SOX30: variants seen among roughly 807,000 people sequenced by gnomAD.
SOX30 encodes SRY-box transcription factor 30.
Under a neutral mutation model 58.6 loss-of-function variants are expected in SOX30, and 17 were observed. The ratio of observed to expected loss-of-function variants is 0.29; its 90% CI spans 0.20 to 0.44. The LOEUF is 0.44. Among genes scored for constraint, SOX30 ranks in the 20% least tolerant of loss-of-function variants. The pLI is 1.00. For missense variants in SOX30, 951 were observed against 965.8 expected, an observed-to-expected ratio of 0.98 and a Z score of 0.20; for synonymous variants, 421 against 400.2, an observed-to-expected ratio of 1.05 and a Z score of -0.62.
In SOX30 at chr5:157,638,331, C is replaced by T; in HGVS notation, c.1779G>A (p.Gln593=). Reference sequence around the variant, plus strand: ...TGGCTGGATGGCCAAGGGGAGGGGGCTGGTAGACATGTGGGTGTGGAATGG... The same window carrying T: ...TGGCTGGATGGCCAAGGGGAGGGGGTTGGTAGACATGTGGGTGTGGAATGG... ...ASPIPHPHVY[Q]PPPLGHPATL... Residue 593 remains glutamine, a synonymous_variant, in exon 4 of 5, where the codon CAG becomes CAA. Coordinates refer to ENST00000265007, the MANE Select transcript of SOX30 (RefSeq NM_178424.2). 1 of 1,611,876 alleles carries T rather than the reference C, an allele frequency of 6.2e-7. No homozygotes were observed. Among genetic ancestry groups the T allele is most frequent in the East Asian group, 2.2e-5 (1 of 44,850 alleles).
chr5:157,643,783 A>C (rs1220321032), intron 3 of SOX30, among the ~76,000 whole-genome samples: 1 of 152,218 alleles, frequency 6.6e-6, no homozygotes, highest in Admixed American at 6.5e-5. Context: ...CATATTTAGA[A>C]TATGAAATTA....
At chr5:157,662,599 T>C (rs1319751050) in intron 2 of SOX30, among the ~76,000 whole-genome samples, 2 of 152,168 alleles carry the variant, frequency 1.3e-5, no homozygotes, top group African/African-American at 4.8e-5. Context: ...ACAAATAAAA[T>C]TCAAAAGCCT....
chr5:157,657,687 G>A (rs1283689063), intron 2 of SOX30, among the ~76,000 whole-genome samples: 1 of 152,184 alleles, frequency 6.6e-6, no homozygotes, highest in Non-Finnish European at 1.5e-5. Context: ...TTTGCAGCTT[G>A]TAGCAATTGA....
At chr5:157,663,307 T>A (rs1759610178) in intron 2 of SOX30, among the ~76,000 whole-genome samples, 2 of 152,124 alleles carry the variant, frequency 1.3e-5, no homozygotes, top group Non-Finnish European at 2.9e-5. Context: ...CATATGCAAA[T>A]CAATAAACGT....
intron 4 of SOX30, among the ~76,000 whole-genome samples, chr5:157,636,699 T>C (rs969115250): frequency 6.6e-6 from 1 of 152,192 alleles, no homozygotes; most frequent in Non-Finnish European, 1.5e-5. Context: ...GTTGTTTCTA[T>C]TGAGGTGTAG....
chr5:157,669,906 A>G (rs1376001496), intron 1 of SOX30, among the ~76,000 whole-genome samples: 1 of 152,178 alleles, frequency 6.6e-6, no homozygotes, highest in African/African-American at 2.4e-5. Flanking sequence ...CAAAGATTGT[A>G]TAGGTAAATT....
upstream of SOX30, among the ~76,000 whole-genome samples, chr5:157,654,551 T>G (rs1275833390): frequency 6.6e-6 from 1 of 152,194 alleles, no homozygotes; most frequent in African/African-American, 2.4e-5. Flanking sequence ...CAGAGGTGTG[T>G]GAACCAGAGC....
intron 4 of SOX30, among the ~76,000 whole-genome samples, chr5:157,630,998 T>A (rs1479175795): frequency 7.9e-5 from 10 of 126,374 alleles, no homozygotes; most frequent in South Asian, 2.3e-4. Context: ...CTATATATAT[T>A]TTTTATATAT....
chr5:157,654,996 T>A (rs773571706), upstream of SOX30, among the ~76,000 whole-genome samples: 16 of 152,240 alleles, frequency 1.1e-4, no homozygotes, highest in Non-Finnish European at 2.1e-4. Context: ...ATAAACTCGC[T>A]TTCACTTTAC....
chr5:157,668,700 G>T (rs943199247), intron 1 of SOX30, among the ~76,000 whole-genome samples: 29 of 152,138 alleles, frequency 1.9e-4, no homozygotes, highest in Non-Finnish European at 1.5e-4. Context: ...TCAGTGATGG[G>T]GACCTGCAGA....
intron 2 of SOX30, among the ~76,000 whole-genome samples, chr5:157,660,123 T>C (rs1166315785): frequency 1.3e-5 from 2 of 152,232 alleles, no homozygotes; most frequent in African/African-American, 4.8e-5. Flanking sequence ...GTTTTAGGTT[T>C]ACTTTAAAAT....
chr5:157,631,893 A>G (rs1758819651), intron 4 of SOX30, among the ~76,000 whole-genome samples: 1 of 151,446 alleles, frequency 6.6e-6, no homozygotes, highest in Non-Finnish European at 1.5e-5. Flanking sequence ...ACATGAGAAT[A>G]TTAGCTGGGC....
chr5:157,627,102 G>A (rs1056840081), intron 4 of SOX30, among the ~76,000 whole-genome samples: 12 of 152,188 alleles, frequency 7.9e-5, no homozygotes, highest in Non-Finnish European at 1.2e-4. Context: ...GGTGGCTCAC[G>A]CCTGTAATCC....
At chr5:157,659,378 T>C (rs1347384853) in intron 2 of SOX30, among the ~76,000 whole-genome samples, 2 of 152,212 alleles carry the variant, frequency 1.3e-5, no homozygotes, top group African/African-American at 4.8e-5. Context: ...CATGGAATGG[T>C]CCCACTATAC....
At chr5:157,664,996 G>C (rs1340882453) in intron 2 of SOX30, among the ~76,000 whole-genome samples, 1 of 152,228 alleles carries the variant, frequency 6.6e-6, no homozygotes, top group African/African-American at 2.4e-5. Context: ...TTACACTGTT[G>C]GTGGGACTGT....
At position 157,651,467 on chromosome 5, in the gene SOX30, C is replaced by T. The variant is rs3749797; in HGVS notation, c.612G>A (p.Pro204=). The change falls in exon 1 of 5, where the codon CCG becomes CCA. Residue 204 remains proline, a synonymous_variant. Coordinates refer to ENST00000265007, the MANE Select transcript of SOX30 (RefSeq NM_178424.2). ...DSMQGGAGKS[P]AAIREGVIKT... ...TGATCACACCTTCTCGGATGGCTGC[C>T]GGGCTTTTGCCTGCCCCGCCTTGCA... The T allele has an allele frequency of 5.6e-6, 9 of 1,613,198 alleles. No individual in the cohort carries two copies. The highest frequency in any genetic ancestry group is 7.6e-6 in the Non-Finnish European group (9 of 1,180,034).
In SOX30 at chr5:157,630,928, TATTA is replaced by T. The variant is rs1391392581; in HGVS notation, c.1881-4211_1881-4208del. Among the ~76,000 whole-genome samples the T allele has an allele frequency of 6.5e-4, 84 of 129,570 alleles. No individual in the cohort carries two copies. The South Asian group carries it at 9.9e-3, about 15-fold the overall frequency. 85.0% of individuals were successfully genotyped at this position (129,570 alleles called of 152,430 possible). A position where few individuals can be genotyped will look rare whatever the true frequency, so the allele number is the denominator to read the frequency against. ...AAAAATATATAATATCTATATTATA[TATTA>T]TATATATATACTATATATATTGTAT... is the stretch of plus-strand genomic sequence containing the variant. On this transcript the variant is annotated intron_variant, in intron 4 of 4. Coordinates refer to ENST00000265007, the MANE Select transcript of SOX30 (RefSeq NM_178424.2).
chr5:157,644,975 T>A (rs1409434355), intron 3 of SOX30, among the ~76,000 whole-genome samples: 2 of 152,142 alleles, frequency 1.3e-5, no homozygotes, highest in Non-Finnish European at 2.9e-5. Flanking sequence ...AGCAAGACTC[T>A]GTCTTAAAAA....
In SOX30 at chr5:157,638,568, A is replaced by C; in HGVS notation, c.1542T>G (p.Thr514=). 1 of 1,614,190 alleles carries C rather than the reference A, an allele frequency of 6.2e-7. No homozygotes were observed. Residue 514 remains threonine, a synonymous_variant, in exon 4 of 5, where the codon ACT becomes ACG. Transcript: ENST00000265007. The part of the protein sequence containing the change: ...VYPALPPQRF[T]GPSQTDTHQL... ...GATGAGTGTCTGTTTGGGAAGGCCC[A>C]GTAAAGCGTTGGGGTGGGAGTGCTG...
Sources: allele counts gnomAD v4.1 joint callset (sites outside exome capture counted in the v4.1 genomes callset), GRCh38; gene constraint gnomAD v4.1.1; transcripts MANE v1.5; gene names NCBI Gene and HGNC (gene_info 2026-07-23, HGNC 2026-07-21).